CLSTN2: variants seen among roughly 807,000 people sequenced by gnomAD.
The protein encoded by CLSTN2 is calsyntenin-2.
CLSTN2 carries 48 observed loss-of-function variants against 101.2 expected under a neutral mutation model. The observed-to-expected ratio is 0.47, with a 90% CI of 0.38 to 0.60. The LOEUF (loss-of-function observed/expected upper bound fraction) is 0.60. Ranked by LOEUF, CLSTN2 falls within the 20% of genes least tolerant of loss-of-function variation. The pLI is 0.00. For synonymous variants in CLSTN2, 481 were observed against 463.6 expected, an observed-to-expected ratio of 1.04 and a Z score of -0.48; for missense variants, 1,160 against 1,238.2, an observed-to-expected ratio of 0.94 and a Z score of 0.95.
chr3:140,043,376 T>C (rs896670341), intron 1 of CLSTN2, among the ~76,000 whole-genome samples: 13 of 152,174 alleles, frequency 8.5e-5, no homozygotes, highest in Non-Finnish European at 1.8e-4. Flanking sequence ...GGGTTGTTTA[T>C]TTTTTTCTTG....
chr3:139,952,549 G>A (rs997516703), intron 1 of CLSTN2, among the ~76,000 whole-genome samples: 2 of 152,094 alleles, frequency 1.3e-5, no homozygotes, highest in Admixed American at 6.5e-5. Flanking sequence ...TGCTGAAATG[G>A]TTGAGCTTAG....
At chr3:140,427,012 T>TTGG (rs2088571997) in intron 5 of CLSTN2, among the ~76,000 whole-genome samples, 3 of 151,426 alleles carry the variant, frequency 2.0e-5, no homozygotes, top group African/African-American at 7.3e-5. Flanking sequence ...CTGTCTCTAC[T>TTGG]GAAAACACAA....
In CLSTN2 at chr3:140,570,415, A is replaced by C. The variant is rs1266488818; in HGVS notation, c.*4162A>C. ...TATAAGTAACCTAGAGATGATTTGA[A>C]GAACACAGGAAGTTGTGCATAGGCT... On this transcript the variant is annotated 3_prime_UTR_variant, in exon 17 of 17. Coordinates refer to ENST00000458420, the MANE Select transcript of CLSTN2 (RefSeq NM_022131.3). 6.6e-6 allele frequency: 1 copy of C among 152,234 alleles called. No homozygotes were observed. Among genetic ancestry groups the C allele is most frequent in the Non-Finnish European group, 1.5e-5 (1 of 68,036 alleles). The allele number at this position is 152,234 out of a possible 1,614,324, so 9.4% of individuals were successfully genotyped here.
At chr3:140,436,914 G>C (rs1351325057) in intron 5 of CLSTN2, among the ~76,000 whole-genome samples, 1 of 152,146 alleles carries the variant, frequency 6.6e-6, no homozygotes, top group African/African-American at 2.4e-5. Context: ...AGAAAGCTGT[G>C]TTCCCTCTCT....
At chr3:139,978,915 T>C (rs1459980295) in intron 1 of CLSTN2, among the ~76,000 whole-genome samples, 1 of 152,200 alleles carries the variant, frequency 6.6e-6, no homozygotes, top group East Asian at 1.9e-4. Flanking sequence ...GGATAAATGC[T>C]ATGTTTTGGC....
intron 5 of CLSTN2, among the ~76,000 whole-genome samples, chr3:140,429,094 A>G (rs2088602215): frequency 6.6e-6 from 1 of 152,218 alleles, no homozygotes; most frequent in African/African-American, 2.4e-5. Context: ...TCTAATCAGC[A>G]TTAGATTAGC....
intron 8 of CLSTN2, among the ~76,000 whole-genome samples, chr3:140,510,465 C>A (rs1934786557): frequency 6.6e-6 from 1 of 152,216 alleles, no homozygotes; most frequent in African/African-American, 2.4e-5. Flanking sequence ...GAGATTAAAT[C>A]CTGGGTGCAA....
At chr3:140,511,519 G>GCCAGTATC (rs1478656400) in intron 8 of CLSTN2, among the ~76,000 whole-genome samples, 6 of 147,210 alleles carry the variant, frequency 4.1e-5, no homozygotes, top group Non-Finnish European at 8.9e-5. Context: ...CTGCAACTGT[G>GCCAGTATC]CCAGTATCTG....
intron 2 of CLSTN2, among the ~76,000 whole-genome samples, chr3:140,220,344 G>GGGGCAGAGAGTGCA (rs1213358831): frequency 1.3e-5 from 2 of 152,184 alleles, no homozygotes; most frequent in Non-Finnish European, 2.9e-5. Flanking sequence ...AATGCTGGTG[G>GGGGCAGAGAGTGCA]GGGCAGAGAG....
At position 140,575,654 on chromosome 3, in the gene CLSTN2, G is replaced by T. The variant is rs1227787241; in HGVS notation, c.*9401G>T. 6.6e-6 allele frequency: 1 copy of T among 152,194 alleles called. No individual in the cohort carries two copies. Among genetic ancestry groups the T allele is most frequent in the East Asian group, 1.9e-4 (1 of 5,194 alleles). The allele number at this position is 152,194 out of a possible 1,614,324, so 9.4% of individuals were successfully genotyped here. A position where few individuals can be genotyped will look rare whatever the true frequency, so the allele number is the denominator to read the frequency against. On this transcript the variant is annotated 3_prime_UTR_variant, in exon 17 of 17. Transcript: ENST00000458420. ...TTTGTTCTCAAAGAAATCTGTAGGT[G>T]TTAGAGCTGGGTTTGTTATGTTATT...
chr3:140,204,916 G>A (rs2010760613), intron 2 of CLSTN2, among the ~76,000 whole-genome samples: 1 of 152,144 alleles, frequency 6.6e-6, no homozygotes, highest in African/African-American at 2.4e-5. Flanking sequence ...CAATCCCTAA[G>A]GACAGTACAT....
Position 140,448,550 on chromosome 3 carries a change from C to T in CLSTN2, c.819C>T (p.Gly273=). ...DWTKRIEYQP[G]SGSMPLFPSI... is the part of the protein sequence containing the mutation. ...CCAAGAGGATTGAGTACCAGCCTGG[C>T]TCCGGGAGCATGCCCCTGTTCCCCA... The change falls in exon 6 of 17, where the codon GGC becomes GGT. Residue 273 remains glycine, a synonymous_variant. Coordinates refer to ENST00000458420, the MANE Select transcript of CLSTN2 (RefSeq NM_022131.3). The T allele has an allele frequency of 6.2e-7, 1 of 1,614,074 alleles. No homozygotes were observed. Among genetic ancestry groups the T allele is most frequent in the Non-Finnish European group, 8.5e-7 (1 of 1,179,986 alleles).
intron 1 of CLSTN2, among the ~76,000 whole-genome samples, chr3:139,945,019 A>G (rs1365578144): frequency 2.6e-5 from 4 of 152,194 alleles, no homozygotes; most frequent in African/African-American, 9.7e-5. Context: ...ATTGGCTAAC[A>G]TTTGACTTAT....
At chr3:140,485,040 T>G (rs1306564661) in intron 8 of CLSTN2, among the ~76,000 whole-genome samples, 1 of 152,178 alleles carries the variant, frequency 6.6e-6, no homozygotes, top group Non-Finnish European at 1.5e-5. Flanking sequence ...GGCACTCTGA[T>G]TTTTAGAGTT....
intron 2 of CLSTN2, among the ~76,000 whole-genome samples, chr3:140,262,687 G>A (rs560481093): frequency 6.6e-6 from 1 of 152,228 alleles, no homozygotes; most frequent in African/African-American, 2.4e-5. Context: ...AGGTAGTGCA[G>A]TTTTCAGGGA....
At chr3:140,327,826 C>T (rs916041048) in intron 2 of CLSTN2, among the ~76,000 whole-genome samples, 5 of 152,190 alleles carry the variant, frequency 3.3e-5, no homozygotes, top group African/African-American at 1.2e-4. Context: ...CTGAATAATT[C>T]AGTGTAGCAT....
At chr3:140,215,276 C>A (rs2010906346) in intron 2 of CLSTN2, among the ~76,000 whole-genome samples, 1 of 152,154 alleles carries the variant, frequency 6.6e-6, no homozygotes, top group Non-Finnish European at 1.5e-5. Flanking sequence ...TCCCATTTCC[C>A]CTTACTTGTG....
chr3:140,305,547 C>G (rs953581673), intron 2 of CLSTN2, among the ~76,000 whole-genome samples: 23 of 152,118 alleles, frequency 1.5e-4, no homozygotes, highest in African/African-American at 5.6e-4. Flanking sequence ...AAATGAGAAG[C>G]TCACCAGGGA....
At chr3:139,984,863 A>G (rs980569391) in intron 1 of CLSTN2, among the ~76,000 whole-genome samples, 5 of 152,224 alleles carry the variant, frequency 3.3e-5, no homozygotes, top group African/African-American at 4.8e-5. Context: ...TCAAAGGTCA[A>G]AACAGAATGC....
Sources: gnomAD v4.1 joint callset for allele counts (sites outside exome capture counted in the v4.1 genomes callset) on GRCh38, gnomAD v4.1.1 for gene constraint, MANE v1.5 for transcripts, NCBI Gene and HGNC (gene_info 2026-07-23, HGNC 2026-07-21) for gene names.